USP26: variants seen among roughly 807,000 people sequenced by gnomAD.
The protein encoded by USP26 is ubiquitin carboxyl-terminal hydrolase 26.
For synonymous variants in USP26, 236 were observed against 240.6 expected (o/e 0.98, Z 0.18); for missense variants, 649 against 642.3 (o/e 1.01, Z -0.11).
At chrX:133,085,163 GAC>G (rs2067584510) in intron 4 of USP26, among the ~76,000 whole-genome samples, 2 of 111,451 alleles carry the variant, frequency 1.8e-5, no homozygotes, top group South Asian at 7.6e-4. Flanking sequence ...TTGAGGTCAG[GAC>G]CTCAGGTGAC....
chrX:133,082,172 G>A (rs1010469103), intron 5 of USP26, among the ~76,000 whole-genome samples: 13 of 111,598 alleles, frequency 1.2e-4, no homozygotes, highest in African/African-American at 3.9e-4. Flanking sequence ...CACATCAAAG[G>A]CCTTTGTCTT....
chrX:133,077,462 C>T (rs1311614075), intron 5 of USP26, among the ~76,000 whole-genome samples: 5 of 111,785 alleles, frequency 4.5e-5, no homozygotes, highest in African/African-American at 1.6e-4. Flanking sequence ...ACTAGTGAAG[C>T]CAGCAATAGG....
At chrX:133,048,826 G>A (rs928623365) in intron 5 of USP26, among the ~76,000 whole-genome samples, 5 of 111,792 alleles carry the variant, frequency 4.5e-5, no homozygotes, top group Admixed American at 1.9e-4. Flanking sequence ...GATTACAGGC[G>A]TGAGCCACTG....
chrX:133,042,717 T>A (rs1467644754), intron 5 of USP26, among the ~76,000 whole-genome samples: 1 of 112,333 alleles, frequency 8.9e-6, no homozygotes, highest in Non-Finnish European at 1.9e-5. Context: ...AAACTGCCAC[T>A]TTTTTGGCAA....
intron 5 of USP26, among the ~76,000 whole-genome samples, chrX:133,035,578 T>G (rs1003706344): frequency 4.5e-5 from 5 of 111,948 alleles, no homozygotes; most frequent in Non-Finnish European, 9.4e-5. Context: ...TTTTCATCTG[T>G]GGAGACTAAT....
At chrX:133,093,817 T>TA (rs772216525) in intron 1 of USP26, among the ~76,000 whole-genome samples, 4 of 104,038 alleles carry the variant, frequency 3.8e-5, no homozygotes, top group African/African-American at 1.4e-4. Context: ...TCCGTCTCTA[T>TA]AAAAAATACA....
At chrX:133,047,787 A>G (rs1261320230) in intron 5 of USP26, among the ~76,000 whole-genome samples, 1 of 111,792 alleles carries the variant, frequency 8.9e-6, no homozygotes, top group East Asian at 2.8e-4. Flanking sequence ...TGACACAGCA[A>G]GAAGACCCCA....
intron 1 of USP26, among the ~76,000 whole-genome samples, chrX:133,093,609 C>T (rs1279574052): frequency 4.9e-5 from 5 of 102,569 alleles, no homozygotes; most frequent in East Asian, 3.1e-4. Flanking sequence ...CTAGCCTAGG[C>T]GACAGAGTGA....
At chrX:133,047,640 T>G (rs781344182) in intron 5 of USP26, among the ~76,000 whole-genome samples, 12 of 112,019 alleles carry the variant, frequency 1.1e-4, no homozygotes, top group Admixed American at 2.8e-4. Flanking sequence ...GTTGAAATCC[T>G]AACTCCAAAG....
rs2067332321 is a variant in USP26 at position 133,023,295 on chromosome X, T to C, written c.*2184A>G. ...TGATCCTCCCTGTCATGGATACCCC[T>C]ACCATCTTCTTCACATTTCATTTTG... On this transcript the variant is annotated 3_prime_UTR_variant, in exon 6 of 6. Coordinates refer to ENST00000511190, the MANE Select transcript of USP26 (RefSeq NM_031907.3). Among the ~76,000 whole-genome samples, 1 of 111,993 alleles carries C rather than the reference T, an allele frequency of 8.9e-6. No homozygotes were observed. The highest frequency in any genetic ancestry group is 1.9e-5 in the Non-Finnish European group (1 of 53,205).
intron 5 of USP26, among the ~76,000 whole-genome samples, chrX:133,057,698 A>G (rs2067479862): frequency 9.6e-6 from 1 of 104,525 alleles, no homozygotes; most frequent in African/African-American, 3.5e-5. Flanking sequence ...TTAGTTTAAA[A>G]TACTTTCTAA....
chrX:133,061,767 CTT>C (rs1490585604), intron 5 of USP26, among the ~76,000 whole-genome samples: 5 of 111,777 alleles, frequency 4.5e-5, no homozygotes, highest in Non-Finnish European at 7.5e-5. Context: ...AGACACTACA[CTT>C]TTCCCAGGGT....
intron 5 of USP26, among the ~76,000 whole-genome samples, chrX:133,065,043 G>T (rs1437732979): frequency 9.0e-6 from 1 of 111,062 alleles, no homozygotes; most frequent in Non-Finnish European, 1.9e-5. Context: ...GATAAAGGGG[G>T]TATCATCACT....
intron 5 of USP26, among the ~76,000 whole-genome samples, chrX:133,049,179 G>A (rs1490845501): frequency 1.8e-5 from 2 of 111,439 alleles, no homozygotes; most frequent in African/African-American, 6.5e-5. Context: ...TGTGTGGAGG[G>A]GTTACACATT....
At chrX:133,070,874 G>T (rs1226758514) in intron 5 of USP26, among the ~76,000 whole-genome samples, 1 of 111,279 alleles carries the variant, frequency 9.0e-6, no homozygotes, top group African/African-American at 3.3e-5. Context: ...GAACCTATTT[G>T]GACATCCTGA....
At chrX:133,092,857 A>G (rs976124654) in intron 1 of USP26, among the ~76,000 whole-genome samples, 1 of 111,932 alleles carries the variant, frequency 8.9e-6, no homozygotes, top group Admixed American at 9.6e-5. Context: ...AGGTTTCTAA[A>G]TTCAATCTAG....
chrX:133,033,046 C>T (rs1320423721), intron 5 of USP26, among the ~76,000 whole-genome samples: 2 of 111,349 alleles, frequency 1.8e-5, no homozygotes, highest in African/African-American at 3.3e-5. Context: ...ACGTAGACTG[C>T]GTTAGAGACA....
chrX:133,027,030 G>T lies in USP26; in HGVS notation c.1191C>A (p.Asn397Lys). 1 of 1,211,510 alleles carries T rather than the reference G, an allele frequency of 8.3e-7. No individual in the cohort carries two copies. The highest frequency in any genetic ancestry group is 3.0e-5 in the East Asian group (1 of 33,832). ...LAHCLDQLKD[N>K]MEKLNTIWKP... ...TCCAAATTGTGTTGAGTTTTTCCAT[G>T]TTATCTTTCAGTTGATCTAAACAGT... is the stretch of plus-strand genomic sequence containing the variant. Residue 397 changes from asparagine (N) to lysine (K), a missense_variant, in exon 6 of 6, where the codon AAC becomes AAA. Transcript: ENST00000511190.
At chrX:133,082,631 C>T (rs1476151398) in intron 5 of USP26, among the ~76,000 whole-genome samples, 2 of 111,671 alleles carry the variant, frequency 1.8e-5, no homozygotes, top group African/African-American at 6.5e-5. Flanking sequence ...TAAAACAAAA[C>T]ACAAACCTCT....
Sources: gnomAD v4.1 joint callset for allele counts (sites outside exome capture counted in the v4.1 genomes callset) on GRCh38, gnomAD v4.1.1 for gene constraint, MANE v1.5 for transcripts, NCBI Gene and HGNC (gene_info 2026-07-23, HGNC 2026-07-21) for gene names.